The following RBPMS variants were observed in gnomAD, a reference collection of about 807,000 sequenced individuals.
RBPMS encodes RNA-binding protein with multiple splicing.
In RBPMS, 7 loss-of-function variants were observed where a neutral mutation model predicts 26.8. That is an observed-to-expected ratio of 0.26 (90% CI 0.15 to 0.49). RBPMS has a LOEUF of 0.49. RBPMS is among the 20% of genes least tolerant of loss of function. The pLI, the probability that RBPMS is intolerant of heterozygous loss-of-function variation, is 0.98. For synonymous variants in RBPMS, 96 were observed against 93.3 expected (o/e 1.03, Z -0.17); for missense variants, 186 against 250.0 (o/e 0.74, Z 1.73).
chr8:30,512,773 C>T (rs1821855957), intron 5 of RBPMS, among the ~76,000 whole-genome samples: 1 of 152,206 alleles, frequency 6.6e-6, no homozygotes, highest in Non-Finnish European at 1.5e-5. Context: ...ATTCTCACCT[C>T]ATGAACACTT....
intron 1 of RBPMS, among the ~76,000 whole-genome samples, chr8:30,447,999 T>G (rs1340552952): frequency 2.6e-5 from 4 of 152,176 alleles, no homozygotes. Flanking sequence ...CAATCTATAG[T>G]CCATCCTTTC....
chr8:30,385,076 G>A lies in RBPMS; in HGVS notation c.-17G>A. On this transcript the variant is annotated 5_prime_UTR_variant, in exon 1 of 9. Transcript: ENST00000397323. ...GCGCCCCAGCCCTGCCCGGCCCGGC[G>A]AGGAAGGACCGGGAAGATGAACAAC... 1 of 1,506,892 alleles carries A rather than the reference G, an allele frequency of 6.6e-7. No homozygotes were observed. Among genetic ancestry groups the A allele is most frequent in the Non-Finnish European group, 8.9e-7 (1 of 1,127,406 alleles). 93.3% of individuals were successfully genotyped at this position (1,506,892 alleles called of 1,614,324 possible).
chr8:30,451,149 G>A (rs1444945689), intron 1 of RBPMS, among the ~76,000 whole-genome samples: 2 of 152,140 alleles, frequency 1.3e-5, no homozygotes, highest in African/African-American at 2.4e-5. Context: ...AACTGGCTCT[G>A]TAGTAGAAGT....
At chr8:30,390,527 G>A (rs921973576) in intron 1 of RBPMS, among the ~76,000 whole-genome samples, 2 of 152,066 alleles carry the variant, frequency 1.3e-5, no homozygotes, top group Admixed American at 1.3e-4. Context: ...TCACCTACCT[G>A]TATACTGTGA....
intron 6 of RBPMS, chr8:30,549,485 C>T (rs1444888715): frequency 6.2e-7 from 1 of 1,605,234 alleles, no homozygotes; most frequent in African/African-American, 1.3e-5. Flanking sequence ...TTTACCTTTT[C>T]CTCTCAACCT....
intron 4 of RBPMS, among the ~76,000 whole-genome samples, chr8:30,497,434 C>T (rs1289705526): frequency 1.3e-5 from 2 of 152,010 alleles, no homozygotes; most frequent in Non-Finnish European, 2.9e-5. Context: ...ATCCCAGCTA[C>T]TCGGGAGGCT....
At chr8:30,484,785 A>G (rs1046699952) in intron 4 of RBPMS, among the ~76,000 whole-genome samples, 2 of 152,170 alleles carry the variant, frequency 1.3e-5, no homozygotes, top group Admixed American at 6.5e-5. Context: ...ACTTAGCCCT[A>G]TTTTCATTTC....
chr8:30,490,434 C>T (rs1819264271), intron 4 of RBPMS, among the ~76,000 whole-genome samples: 1 of 151,838 alleles, frequency 6.6e-6, no homozygotes, highest in East Asian at 1.9e-4. Context: ...AGTGAGATTC[C>T]TGACTTAGAG....
At chr8:30,431,313 G>T (rs1373141805) in intron 1 of RBPMS, among the ~76,000 whole-genome samples, 2 of 151,768 alleles carry the variant, frequency 1.3e-5, no homozygotes, top group Non-Finnish European at 2.9e-5. Context: ...CCAATCCCCT[G>T]CATTTCTTTC....
In RBPMS at chr8:30,525,290, A is replaced by G. The variant is rs1823458978; in HGVS notation, c.398-19204A>G. On this transcript the variant is annotated intron_variant, in intron 5 of 8. Coordinates refer to ENST00000397323, the MANE Select transcript of RBPMS (RefSeq NM_001008710.3). ...TCAACAAATGCCAAAAGAGATATGCAAACAGGAAACTATGTGATTCTTTTA... is the reference window on the plus strand; with the variant it reads ...TCAACAAATGCCAAAAGAGATATGCGAACAGGAAACTATGTGATTCTTTTA... Among the ~76,000 whole-genome samples the G allele has an allele frequency of 2.0e-5, 3 of 152,224 alleles. No homozygotes were observed. In the South Asian group the frequency reaches 6.2e-4, roughly 32 times the overall value.
At chr8:30,438,216 T>C (rs1268102095) in intron 1 of RBPMS, among the ~76,000 whole-genome samples, 2 of 152,306 alleles carry the variant, frequency 1.3e-5, no homozygotes, top group East Asian at 1.9e-4. Context: ...GCCAGGAGTT[T>C]GAGACCAGCC....
At chr8:30,414,605 C>CA (rs2150592267) in intron 1 of RBPMS, among the ~76,000 whole-genome samples, 1 of 152,308 alleles carries the variant, frequency 6.6e-6, no homozygotes, top group African/African-American at 2.4e-5. Context: ...ACCCAGAAAA[C>CA]AAATTCAAAA....
intron 1 of RBPMS, among the ~76,000 whole-genome samples, chr8:30,412,008 CAAAAACAG>C (rs1809502167): frequency 6.7e-6 from 1 of 149,052 alleles, no homozygotes; most frequent in Non-Finnish European, 1.5e-5. Context: ...AAAACAAAAA[CAAAAACAG>C]AAGAAGGAAA....
intron 5 of RBPMS, among the ~76,000 whole-genome samples, chr8:30,536,374 G>A (rs1236948786): frequency 5.3e-5 from 8 of 152,228 alleles, no homozygotes; most frequent in African/African-American, 9.6e-5. Context: ...TGATCCGCCC[G>A]CCTCGGCCTC....
At chr8:30,469,059 CTCATAGTCTTTGGATACT>C (rs1162675451) in intron 1 of RBPMS, among the ~76,000 whole-genome samples, 1 of 152,218 alleles carries the variant, frequency 6.6e-6, no homozygotes, top group Non-Finnish European at 1.5e-5. Context: ...AGAGAAAATG[CTCATAGTCTTTGGATACT>C]ATGTGTTTAC....
intron 4 of RBPMS, among the ~76,000 whole-genome samples, chr8:30,503,001 CTCAGTTGGTTTCTTCT>C (rs1477875879): frequency 6.0e-5 from 9 of 149,696 alleles, no homozygotes; most frequent in African/African-American, 2.2e-4. Flanking sequence ...TGCTACTGCC[CTCAGTTGGTTTCTTCT>C]CAGAATGAGT....
At chr8:30,493,033 G>A (rs961864936) in intron 4 of RBPMS, among the ~76,000 whole-genome samples, 2 of 152,138 alleles carry the variant, frequency 1.3e-5, no homozygotes, top group Non-Finnish European at 2.9e-5. Flanking sequence ...ATACAAGGAC[G>A]TGCTTTGTTG....
chr8:30,565,907 A>G (rs573323325), intron 7 of RBPMS: 1 of 152,358 alleles, frequency 6.6e-6, no homozygotes, highest in South Asian at 2.1e-4. Context: ...AACCACAGGG[A>G]CGTGGGTGTA....
intron 8 of RBPMS, among the ~76,000 whole-genome samples, chr8:30,566,973 C>A (rs1321148073): frequency 6.6e-6 from 1 of 152,152 alleles, no homozygotes; most frequent in Non-Finnish European, 1.5e-5. Context: ...ACCTGTCACT[C>A]CTCAGTTCGT....
Sources: allele counts gnomAD v4.1 joint callset (sites outside exome capture counted in the v4.1 genomes callset), GRCh38; gene constraint gnomAD v4.1.1; transcripts MANE v1.5; gene names NCBI Gene and HGNC (gene_info 2026-07-23, HGNC 2026-07-21).